The following KCNQ1 variants were observed in gnomAD, a reference collection of about 807,000 sequenced individuals.
KCNQ1 encodes the protein potassium voltage-gated channel subfamily KQT member 1.
In KCNQ1, 49 loss-of-function variants were observed where a neutral mutation model predicts 72.4. The observed-to-expected ratio is 0.68, with a 90% CI of 0.54 to 0.86. The LOEUF (loss-of-function observed/expected upper bound fraction) is 0.86. KCNQ1 is among the 40% of genes least tolerant of loss of function. The pLI is 0.00. For synonymous variants in KCNQ1, 450 were observed against 412.6 expected (o/e 1.09, Z -1.10); for missense variants, 790 against 945.1 (o/e 0.84, Z 2.15).
In KCNQ1 at chr11:2,777,992, C is replaced by T. The variant is rs200670744; in HGVS notation, c.1749C>T (p.Arg583=). The change falls in exon 15 of 16, where the codon CGC becomes CGT. Residue 583 remains arginine (R), a synonymous_variant. Coordinates refer to ENST00000155840, the MANE Select transcript of KCNQ1 (RefSeq NM_000218.3). Reference sequence around the variant, plus strand: ...CCCCCATAGAAAAGAGCAAGGATCGCGGCAGCAACACGATCGGCGCCCGCC... The same window carrying T: ...CCCCCATAGAAAAGAGCAAGGATCGTGGCAGCAACACGATCGGCGCCCGCC... ...FISVSEKSKD[R]GSNTIGARLN... 8.5e-5 allele frequency: 137 copies of T among 1,613,700 alleles called. No individual in the cohort carries two copies. The highest frequency in any genetic ancestry group is 1.0e-4 in the Non-Finnish European group (120 of 1,180,010).
intron 11 of KCNQ1, among the ~76,000 whole-genome samples, chr11:2,751,430 A>T (rs1270479028): frequency 2.6e-5 from 4 of 152,234 alleles, no homozygotes; most frequent in Non-Finnish European, 4.4e-5. Flanking sequence ...AGCTGCCCAA[A>T]GTGAGCATCT....
intron 2 of KCNQ1, among the ~76,000 whole-genome samples, chr11:2,546,238 A>T (rs1358647509): frequency 6.6e-6 from 1 of 152,180 alleles, no homozygotes; most frequent in Non-Finnish European, 1.5e-5. Flanking sequence ...TATTCAAAAC[A>T]TTTAGGGATT....
In KCNQ1 at chr11:2,481,376, CAT is replaced by C. The variant is rs1231844504; in HGVS notation, c.386+35893_386+35894del. Among the ~76,000 whole-genome samples, 1 of 152,084 alleles carries C rather than the reference CAT, an allele frequency of 6.6e-6. No homozygotes were observed. ...GTGTGTGTGTGCGCGCGTGCATGCA[CAT>C]GTTTCTACTTGGTCTTTGTGTGTGT... is the stretch of plus-strand genomic sequence containing the variant. On this transcript the variant is annotated intron_variant, in intron 1 of 15. Transcript: ENST00000155840. This position sits in a 1 kb window ranked among gnomAD's most constrained non-coding sequence, Gnocchi z 4.6.
chr11:2,656,017 A>G (rs2133848824), intron 10 of KCNQ1: 1 of 398,636 alleles, frequency 2.5e-6, no homozygotes, highest in Non-Finnish European at 4.4e-6. Flanking sequence ...AAACACCAGG[A>G]CAGAACCTTC....
chr11:2,630,955 T>C, intron 10 of KCNQ1: 1 of 398,528 alleles, frequency 2.5e-6, no homozygotes, highest in Non-Finnish European at 4.4e-6. Flanking sequence ...CTGATAGCCT[T>C]ATGGAGGTTC....
intron 15 of KCNQ1, among the ~76,000 whole-genome samples, chr11:2,832,912 G>T (rs1847982006): frequency 6.6e-6 from 1 of 152,134 alleles, no homozygotes; most frequent in African/African-American, 2.4e-5. Flanking sequence ...AGCTCAGGGG[G>T]CTTCACTCCA....
At chr11:2,801,589 T>A (rs1280209682) in intron 15 of KCNQ1, among the ~76,000 whole-genome samples, 1 of 152,226 alleles carries the variant, frequency 6.6e-6, no homozygotes, top group Non-Finnish European at 1.5e-5. Context: ...AGGCCCTGCC[T>A]TCACAGTCTC....
At chr11:2,719,040 C>T (rs1205788953) in intron 11 of KCNQ1, among the ~76,000 whole-genome samples, 2 of 152,222 alleles carry the variant, frequency 1.3e-5, no homozygotes, top group Non-Finnish European at 2.9e-5. Flanking sequence ...TTGTGACCCC[C>T]CTCCCGCCCC....
chr11:2,609,309 A>G (rs1354249782), intron 10 of KCNQ1: 1 of 398,208 alleles, frequency 2.5e-6, no homozygotes, highest in Admixed American at 4.4e-5. Context: ...GTGTTGTTTA[A>G]TTTCCACATG....
intron 2 of KCNQ1, among the ~76,000 whole-genome samples, chr11:2,533,795 G>T (rs2074989216): frequency 6.6e-6 from 1 of 152,210 alleles, no homozygotes; most frequent in Admixed American, 6.5e-5. Context: ...CCTGGCTTTT[G>T]TCTCCAGGAT....
At position 2,704,740 on chromosome 11, in the gene KCNQ1, T is replaced by C. The variant is rs886838830; in HGVS notation, c.1514+42659T>C. Among the ~76,000 whole-genome samples the C allele has an allele frequency of 6.6e-6, 1 of 152,092 alleles. No homozygotes were observed. Among genetic ancestry groups the C allele is most frequent in the Non-Finnish European group, 1.5e-5 (1 of 68,002 alleles). ...AGGTGTGAGAAGTGCCAGGCTGGGCTCCCTCAGGCGGCAACTTTGTCTAGA... is the reference window on the plus strand; with the variant it reads ...AGGTGTGAGAAGTGCCAGGCTGGGCCCCCTCAGGCGGCAACTTTGTCTAGA... On this transcript the variant is annotated intron_variant, in intron 11 of 15. Transcript: ENST00000155840. The surrounding 1 kb of genome is among the most constrained non-coding windows in gnomAD (Gnocchi z 4.3).
chr11:2,552,693 G>A (rs1403200634), intron 2 of KCNQ1, among the ~76,000 whole-genome samples: 1 of 149,488 alleles, frequency 6.7e-6, no homozygotes, highest in Non-Finnish European at 1.5e-5. Flanking sequence ...CCACGAACAC[G>A]GTCTCTCTCC....
chr11:2,452,193 C>T (rs118090958), intron 1 of KCNQ1, among the ~76,000 whole-genome samples: 2,119 of 152,264 alleles, frequency 0.014, 27 homozygotes, highest in Non-Finnish European at 0.014. Context: ...TACTCTGGGG[C>T]GCACTGAAAG....
In KCNQ1 at chr11:2,621,523, T is replaced by C; in HGVS notation, c.1393+32669T>C. The C allele has an allele frequency of 2.5e-6, 1 of 398,612 alleles. No homozygotes were observed. Among genetic ancestry groups the C allele is most frequent in the South Asian group, 1.3e-4 (1 of 7,860 alleles). 24.7% of individuals were successfully genotyped at this position (398,612 alleles called of 1,614,324 possible). A position where few individuals can be genotyped will look rare whatever the true frequency, so the allele number is the denominator to read the frequency against. On this transcript the variant is annotated intron_variant, in intron 10 of 15. Coordinates refer to ENST00000155840, the MANE Select transcript of KCNQ1 (RefSeq NM_000218.3). The surrounding 1 kb of genome is among the most constrained non-coding windows in gnomAD (Gnocchi z 5.7). ...GTCTGTTTACTCTGTTGATAATTTCTTTTGCTATGCAGAAGCTCTTTAGTT... is the reference window on the plus strand; with the variant it reads ...GTCTGTTTACTCTGTTGATAATTTCCTTTGCTATGCAGAAGCTCTTTAGTT...
rs938891891 is a variant in KCNQ1 at position 2,599,882 on chromosome 11, G to A, written c.1393+11028G>A. ...CCTGTCTCCAAACATGCTGAGTCACGTGCCGAGGTATTAAAGACCAGGGCT... is the reference window on the plus strand; with the variant it reads ...CCTGTCTCCAAACATGCTGAGTCACATGCCGAGGTATTAAAGACCAGGGCT... On this transcript the variant is annotated intron_variant, in intron 10 of 15. Coordinates refer to ENST00000155840, the MANE Select transcript of KCNQ1 (RefSeq NM_000218.3). The surrounding 1 kb of genome is among the most constrained non-coding windows in gnomAD (Gnocchi z 4.7). Among the ~76,000 whole-genome samples, 5 of 152,344 alleles carry A rather than the reference G, an allele frequency of 3.3e-5. No individual in the cohort carries two copies. Among genetic ancestry groups the A allele is most frequent in the African/African-American group, 4.8e-5 (2 of 41,584 alleles).
chr11:2,549,665 G>C lies in KCNQ1; in HGVS notation c.478-20963G>C, dbSNP rs182299185. ...GGGGCCTCCTCCTCCCAAGCACCTG[G>C]GGTGGGAACAAGAGGCGTTTTGTGT... is the stretch of plus-strand genomic sequence containing the variant. On this transcript the variant is annotated intron_variant, in intron 2 of 15. Coordinates refer to ENST00000155840, the MANE Select transcript of KCNQ1 (RefSeq NM_000218.3). The surrounding 1 kb of genome is among the most constrained non-coding windows in gnomAD (Gnocchi z 6.2). Among the ~76,000 whole-genome samples, 442 of 152,238 alleles carry C rather than the reference G, an allele frequency of 2.9e-3. 2 individuals are homozygous for C. Among genetic ancestry groups the C allele is most frequent in the African/African-American group, 0.01 (425 of 41,552 alleles).
rs571426637 is a variant in KCNQ1, at chr11:2,718,360, C to A, written c.1515-50484C>A. On this transcript the variant is annotated intron_variant, in intron 11 of 15. Transcript: ENST00000155840. ...CCCTGCATCTGGCTGACCCCCTCCT[C>A]ACCTGCCTGTTTCCACCTCAGGGCC... 1.4e-4 allele frequency among the ~76,000 whole-genome samples: 22 copies of A among 152,330 alleles called. No individual in the cohort carries two copies. In the South Asian group the frequency reaches 4.6e-3, roughly 32 times the overall value.
intron 1 of KCNQ1, among the ~76,000 whole-genome samples, chr11:2,496,696 A>G (rs1041364532): frequency 5.3e-5 from 8 of 151,684 alleles, no homozygotes; most frequent in Admixed American, 2.0e-4. Context: ...TAACGTTAAC[A>G]TTGTTATGTG....
At chr11:2,639,950 CT>C (rs1849544438) in intron 10 of KCNQ1, 1 of 153,932 alleles carries the variant, frequency 6.5e-6, no homozygotes, top group Non-Finnish European at 1.4e-5. Flanking sequence ...GCAGTTCGAT[CT>C]CAGACTGCTG....
Sources: allele counts gnomAD v4.1 joint callset (sites outside exome capture counted in the v4.1 genomes callset), GRCh38; gene constraint gnomAD v4.1.1; non-coding constraint Gnocchi (gnomAD v3.1); transcripts MANE v1.5; gene names NCBI Gene and HGNC (gene_info 2026-07-23, HGNC 2026-07-21).